The following GRK1 variants were observed in gnomAD, a reference collection of about 807,000 sequenced individuals.
GRK1 encodes rhodopsin kinase GRK1.
Under a neutral mutation model 41.7 loss-of-function variants are expected in GRK1, and 28 were observed. The observed-to-expected ratio is 0.67, with a 90% CI of 0.50 to 0.92. GRK1 has a LOEUF of 0.92. Ranked by LOEUF, GRK1 falls within the 40% of genes least tolerant of loss-of-function variation. The pLI is 0.00. For missense variants in GRK1, 703 were observed against 671.2 expected, an observed-to-expected ratio of 1.05 and a Z score of -0.52; for synonymous variants, 327 against 286.7, an observed-to-expected ratio of 1.14 and a Z score of -1.42.
At position 113,667,352 on chromosome 13, in the gene GRK1, G is replaced by A. The variant is rs369316145; in HGVS notation, c.-35G>A. ...GCTCCCGGCTTGGCCTCGGCTGATG[G>A]GCCCTCACGCCTGAAGCGGGCAGGA... On this transcript the variant is annotated 5_prime_UTR_variant, in exon 1 of 7. Coordinates refer to ENST00000335678, the MANE Select transcript of GRK1 (RefSeq NM_002929.3). This position sits in a 1 kb window ranked among gnomAD's most constrained non-coding sequence, Gnocchi z 7.5. The A allele has an allele frequency of 1.2e-4, 174 of 1,497,732 alleles. 1 individual carries two copies. In the African/African-American group the frequency reaches 2.2e-3, roughly 19 times the overall value. The allele number at this position is 1,497,732 out of a possible 1,614,324, so 92.8% of individuals were successfully genotyped here. A position where few individuals can be genotyped will look rare whatever the true frequency, so the allele number is the denominator to read the frequency against.
chr13:113,732,152 G>C (rs1217539734), intron 5 of GRK1, among the ~76,000 whole-genome samples: 2 of 152,224 alleles, frequency 1.3e-5, no homozygotes, highest in Admixed American at 1.3e-4. Context: ...TGGCCGCACG[G>C]AGCCAGAAGG....
intron 6 of GRK1, 56 bp downstream of exon 6, chr13:113,733,141 T>G (rs2049949982): frequency 2.0e-6 from 3 of 1,483,612 alleles, no homozygotes; most frequent in Non-Finnish European, 2.7e-6. Context: ...GTGTGGCCCT[T>G]GGGTGTCCGC....
chr13:113,728,274 GAGT>G (rs1165695319), intron 4 of GRK1, among the ~76,000 whole-genome samples: 6 of 108,366 alleles, frequency 5.5e-5, no homozygotes, highest in African/African-American at 2.6e-4. Flanking sequence ...TGGCGATGAG[GAGT>G]ACCCATGGCG....
intron 1 of GRK1, 169 bp from the exon 2 acceptor site, chr13:113,669,518 C>T (rs1203973879): frequency 3.4e-5 from 8 of 231,910 alleles, no homozygotes; most frequent in African/African-American, 9.3e-5. Flanking sequence ...GGGGTGCAGG[C>T]ATGTTTTGAA....
chr13:113,669,922 G>A, intron 2 of GRK1, 108 bp downstream of exon 2: 1 of 1,351,324 alleles, frequency 7.4e-7, no homozygotes, highest in Non-Finnish European at 1.0e-6. Flanking sequence ...CCCCAGGCCT[G>A]CCCTCGAGGG....
rs1169935611 is a variant in GRK1 at position 113,736,387 on chromosome 13, C to A, written c.*1024C>A. 6.6e-6 allele frequency: 1 copy of A among 152,354 alleles called. No individual in the cohort carries two copies. The highest frequency in any genetic ancestry group is 1.5e-5 in the Non-Finnish European group (1 of 68,134). 9.4% of individuals were successfully genotyped at this position (152,354 alleles called of 1,614,324 possible). A position where few individuals can be genotyped will look rare whatever the true frequency, so the allele number is the denominator to read the frequency against. On this transcript the variant is annotated 3_prime_UTR_variant, in exon 7 of 7. Coordinates refer to ENST00000335678, the MANE Select transcript of GRK1 (RefSeq NM_002929.3). ...CAGCACTGGAGTCCTAAAGCCATAG[C>A]CCGGGAAGACACTCACAGCCCACCT...
chr13:113,655,858 G>A, the GRK1 span, among the ~76,000 whole-genome samples: 6 of 152,232 alleles, frequency 3.9e-5, no homozygotes, highest in Non-Finnish European at 7.3e-5. Flanking sequence ...AGAGAAGCAA[G>A]GGAGTGCAGG....
chr13:113,733,117 T>C, intron 6 of GRK1, 32 bp downstream of exon 6: 9 of 1,521,266 alleles, frequency 5.9e-6, no homozygotes, highest in Non-Finnish European at 7.9e-6. Context: ...CCGGAGAGGG[T>C]GGGGTTCTGT....
At chr13:113,724,091 C>A (rs1187145965) in intron 4 of GRK1, among the ~76,000 whole-genome samples, 3 of 152,214 alleles carry the variant, frequency 2.0e-5, no homozygotes, top group African/African-American at 4.8e-5. Flanking sequence ...CACCTCCCCC[C>A]AGGCAGGGAG....
chr13:113,668,623 C>A (rs138863610), intron 1 of GRK1, among the ~76,000 whole-genome samples: 1 of 152,354 alleles, frequency 6.6e-6, no homozygotes, highest in East Asian at 1.9e-4. Context: ...GCGACGGGCA[C>A]GCAGGCCGCT....
chr13:113,724,756 C>G (rs2049880616), intron 4 of GRK1, among the ~76,000 whole-genome samples: 1 of 152,154 alleles, frequency 6.6e-6, no homozygotes, highest in Non-Finnish European at 1.5e-5. Flanking sequence ...CGGGTGGCAC[C>G]TGCTTTTCGT....
At chr13:113,734,114 G>A (rs2049984527) in intron 6 of GRK1, among the ~76,000 whole-genome samples, 1 of 152,246 alleles carries the variant, frequency 6.6e-6, no homozygotes, top group Non-Finnish European at 1.5e-5. Flanking sequence ...CTGAGACACA[G>A]CCATACCCTC....
the GRK1 span, chr13:113,652,667 G>T: frequency 2.9e-6 from 2 of 681,538 alleles, no homozygotes. Context: ...CTATGTGCTG[G>T]TGTCTGACGA....
the GRK1 span, chr13:113,649,260 T>C: frequency 7.4e-7 from 1 of 1,353,638 alleles, no homozygotes; most frequent in Non-Finnish European, 1.0e-6. This position sits in a 1 kb window ranked among gnomAD's most constrained non-coding sequence, Gnocchi z 4.7. Context: ...ACACCGTTGC[T>C]CCAAACCACT....
At chr13:113,649,402 A>C in the GRK1 span, 3 of 1,594,460 alleles carry the variant, frequency 1.9e-6, no homozygotes, top group Non-Finnish European at 2.6e-6. The surrounding 1 kb of genome is among the most constrained non-coding windows in gnomAD (Gnocchi z 4.7). Flanking sequence ...TTTGAACTCC[A>C]CTTTCCCTTC....
chr13:113,723,983 CG>C (rs2049874153), intron 4 of GRK1, among the ~76,000 whole-genome samples: 1 of 149,576 alleles, frequency 6.7e-6, no homozygotes, highest in African/African-American at 2.5e-5. Flanking sequence ...TATGCATGCC[CG>C]GGTCTCTGTG....
At chr13:113,654,732 G>A in the GRK1 span, 5,360 of 1,515,800 alleles carry the variant, frequency 3.5e-3, 14 homozygotes, top group South Asian at 8.3e-3. Context: ...GGGAGGGCAC[G>A]GGTCCCCCGG....
At chr13:113,656,549 G>C in the GRK1 span, among the ~76,000 whole-genome samples, 2 of 152,208 alleles carry the variant, frequency 1.3e-5, no homozygotes, top group African/African-American at 4.8e-5. Flanking sequence ...ACGCTGCAGT[G>C]CACAGGGGAG....
At position 113,671,611 on chromosome 13, in the gene GRK1, G is replaced by A. The variant is rs374722973; in HGVS notation, c.940G>A (p.Val314Ile). The A allele has an allele frequency of 5.1e-5, 39 of 771,928 alleles. No homozygotes were observed. Among genetic ancestry groups the A allele is most frequent in the Admixed American group, 8.5e-5 (5 of 58,932 alleles). 47.8% of individuals were successfully genotyped at this position (771,928 alleles called of 1,614,324 possible). A position where few individuals can be genotyped will look rare whatever the true frequency, so the allele number is the denominator to read the frequency against. The change falls in exon 3 of 7, where the codon GTC (valine) becomes ATC (isoleucine). Residue 314 changes from valine to isoleucine, a missense_variant. Physicochemically the swap from Val to Ile is conservative, Grantham distance 29. Transcript: ENST00000335678. This position sits in a 1 kb window ranked among gnomAD's most constrained non-coding sequence, Gnocchi z 4.1. ...GLEHLHQRRI[V>I]YRDLKPENVL... ...GGAGCACCTGCACCAGAGGCGGATC[G>A]TCTACCGCGACCTCAAGCCCGAGAA...
Sources: gnomAD v4.1 joint callset for allele counts (sites outside exome capture counted in the v4.1 genomes callset) on GRCh38, gnomAD v4.1.1 for gene constraint, Gnocchi (gnomAD v3.1) non-coding constraint, MANE v1.5 for transcripts, NCBI Gene and HGNC (gene_info 2026-07-23, HGNC 2026-07-21) for gene names.